Variants in C1QTNF9 observed in about 807,000 individuals in gnomAD.
C1QTNF9 encodes complement C1q and tumor necrosis factor-related protein 9A.
A neutral mutation model predicts 10.1 loss-of-function variants in C1QTNF9; 6 were observed. The ratio of observed to expected loss-of-function variants is 0.59; its 90% confidence interval spans 0.32 to 1.17. The LOEUF (loss-of-function observed/expected upper bound fraction) is 1.17, where lower values mean the gene tolerates loss of function less well. Among genes scored for constraint, C1QTNF9 ranks in the 50% most tolerant of loss-of-function variants. The pLI is 0.04. For missense variants in C1QTNF9, 201 were observed against 418.8 expected, an observed-to-expected ratio of 0.48 and a Z score of 4.54; for synonymous variants, 98 against 163.5, an observed-to-expected ratio of 0.60 and a Z score of 3.06.
chr13:24,313,473 T>G (rs1877910822), intron 1 of C1QTNF9, among the ~76,000 whole-genome samples: 1 of 152,250 alleles, frequency 6.6e-6, no homozygotes, highest in Non-Finnish European at 1.5e-5. Context: ...AATTTCGATT[T>G]GACTGCTTCC....
At chr13:24,311,555 G>T (rs1239033838) in intron 1 of C1QTNF9, among the ~76,000 whole-genome samples, 1 of 152,082 alleles carries the variant, frequency 6.6e-6, no homozygotes, top group African/African-American at 2.4e-5. Flanking sequence ...TATATTACTG[G>T]GAGGGTTGTA....
intron 1 of C1QTNF9, among the ~76,000 whole-genome samples, chr13:24,315,516 C>T (rs754629299): frequency 3.9e-5 from 6 of 152,166 alleles, no homozygotes; most frequent in Non-Finnish European, 8.8e-5. Context: ...TGTTCCAGTC[C>T]TTGCTTTCAA....
At chr13:24,317,287 T>TG (rs780966066) in intron 2 of C1QTNF9, among the ~76,000 whole-genome samples, 1,839 of 144,176 alleles carry the variant, frequency 0.013, 14 homozygotes, top group Non-Finnish European at 0.015. Context: ...GTGTGTGTAT[T>TG]GTATTTCTGA....
At chr13:24,322,281 G>A (rs1878302500) in exon 4 of C1QTNF9, 1 of 152,922 alleles carries the variant, frequency 6.5e-6, no homozygotes, top group African/African-American at 2.4e-5. Flanking sequence ...ATGCATGTTT[G>A]TTACATAGGT....
chr13:24,312,076 G>A (rs7324206), intron 1 of C1QTNF9, among the ~76,000 whole-genome samples: 146,425 of 152,294 alleles, frequency 0.96, 70,648 homozygotes, highest in South Asian at 1. Context: ...GGATGAAGGT[G>A]AGAAGGGGTG....
chr13:24,310,886 T>C (rs1877791282), intron 1 of C1QTNF9, among the ~76,000 whole-genome samples: 1 of 128,566 alleles, frequency 7.8e-6, no homozygotes, highest in African/African-American at 3.1e-5. Context: ...CACTCCAGCC[T>C]GGGCAACAGA....
chr13:24,309,033 A>G (rs1877709625), upstream of C1QTNF9, among the ~76,000 whole-genome samples: 1 of 151,974 alleles, frequency 6.6e-6, no homozygotes, highest in South Asian at 2.1e-4. Context: ...CCCATCTGAA[A>G]ATCTAATTAA....
chr13:24,318,336 T>C (rs1878119167), intron 2 of C1QTNF9, among the ~76,000 whole-genome samples: 1 of 152,218 alleles, frequency 6.6e-6, no homozygotes, highest in South Asian at 2.1e-4. Flanking sequence ...CTCTTCTATC[T>C]TGGGATAGTG....
chr13:24,310,217 G>A (rs941113730), intron 1 of C1QTNF9, among the ~76,000 whole-genome samples: 11 of 149,688 alleles, frequency 7.3e-5, no homozygotes, highest in African/African-American at 2.7e-4. Context: ...GCAGTGGCAG[G>A]ATCTCAGCTC....
At position 24,314,266 on chromosome 13, in the gene C1QTNF9, A is replaced by G. The variant is rs149088736; in HGVS notation, c.-22-1716A>G. On this transcript the variant is annotated intron_variant, in intron 1 of 3. Transcript: ENST00000332018. ...TTTTTTTAAATCCTAAAAGTCAGGT[A>G]CAGGGTCTTTAGCCTGTAATACTAG... Among the ~76,000 whole-genome samples the G allele has an allele frequency of 8.6e-3, 1,311 of 152,214 alleles. 16 individuals are homozygous for G. Among genetic ancestry groups the G allele is most frequent in the African/African-American group, 0.03 (1,233 of 41,530 alleles).
chr13:24,310,178 G>A (rs909660418), intron 1 of C1QTNF9, among the ~76,000 whole-genome samples: 4 of 150,236 alleles, frequency 2.7e-5, no homozygotes, highest in African/African-American at 9.8e-5. Flanking sequence ...TTTTGAGACA[G>A]AGTCTCACTC....
At chr13:24,307,422 G>C (rs1378570512), upstream of C1QTNF9, among the ~76,000 whole-genome samples, 2 of 152,266 alleles carry the variant, frequency 1.3e-5, no homozygotes, top group African/African-American at 4.8e-5. Context: ...CCTGCCACAG[G>C]AGCTGTGCTA....
chr13:24,309,283 T>TTATTTATATATATATATATATATATA (rs1555279694), upstream of C1QTNF9, among the ~76,000 whole-genome samples: 7 of 68,292 alleles, frequency 1.0e-4, no homozygotes, highest in Non-Finnish European at 1.7e-4. Flanking sequence ...ACTTAAAGTA[T>TTATTTATATATATATATATATATATA]TATATATATA....
upstream of C1QTNF9, among the ~76,000 whole-genome samples, chr13:24,308,158 C>T (rs1877669415): frequency 6.6e-6 from 1 of 152,234 alleles, no homozygotes; most frequent in African/African-American, 2.4e-5. Flanking sequence ...GTGCTTCCGT[C>T]GCTGGCTCTG....
intron 1 of C1QTNF9, 79 bp from the exon 2 acceptor site, chr13:24,315,903 C>T: frequency 6.7e-7 from 1 of 1,502,622 alleles, no homozygotes; most frequent in Non-Finnish European, 9.1e-7. Flanking sequence ...CATCCATTTC[C>T]CACTGCACGG....
At chr13:24,313,368 A>G (rs1316087903) in intron 1 of C1QTNF9, among the ~76,000 whole-genome samples, 1 of 152,184 alleles carries the variant, frequency 6.6e-6, no homozygotes, top group African/African-American at 2.4e-5. Flanking sequence ...CACCTTTATG[A>G]TCTTCTGATC....
chr13:24,310,111 C>G (rs112455952), intron 1 of C1QTNF9, among the ~76,000 whole-genome samples: 22,450 of 151,832 alleles, frequency 0.15, 1,887 homozygotes, highest in Middle Eastern at 0.25. Context: ...CCAGGCTGCT[C>G]TTGAACTCCT....
intron 1 of C1QTNF9, among the ~76,000 whole-genome samples, chr13:24,311,793 A>G (rs559865982): frequency 6.6e-6 from 1 of 152,348 alleles, no homozygotes; most frequent in African/African-American, 2.4e-5. Context: ...CTGTGGAGTC[A>G]TCTGAGGCCA....
Position 24,316,214 on chromosome 13 carries a change from T to C in C1QTNF9, c.166+45T>C, listed in dbSNP as rs371362581. 123 of 1,510,298 alleles carry C rather than the reference T, an allele frequency of 8.1e-5. 15 individuals carry two copies. In the East Asian group the frequency reaches 1.3e-3, roughly 15 times the overall value. The allele number at this position is 1,510,298 out of a possible 1,614,324, so 93.6% of individuals were successfully genotyped here. A position where few individuals can be genotyped will look rare whatever the true frequency, so the allele number is the denominator to read the frequency against. ...GGCTGCCTTTCAACTTCTCTCTTCA[T>C]TCCTTTCATCTCATTCACTCATCAT... is the stretch of plus-strand genomic sequence containing the variant. On this transcript the variant is annotated intron_variant, in intron 2 of 3. Coordinates refer to ENST00000332018, the Ensembl canonical transcript of C1QTNF9.
Sources: allele counts gnomAD v4.1 joint callset (sites outside exome capture counted in the v4.1 genomes callset), GRCh38; gene constraint gnomAD v4.1.1; transcripts MANE v1.5; gene names NCBI Gene and HGNC (gene_info 2026-07-23, HGNC 2026-07-21).